SCAPER: variants seen among roughly 807,000 people sequenced by gnomAD.
The protein encoded by SCAPER is S phase cyclin A-associated protein in the endoplasmic reticulum.
Under a neutral mutation model 182.2 loss-of-function variants are expected in SCAPER, and 98 were observed. That is an observed-to-expected ratio of 0.54 (90% confidence interval 0.46 to 0.64). SCAPER has a LOEUF of 0.64. Among genes scored for constraint, SCAPER ranks in the 30% least tolerant of loss-of-function variants. SCAPER has a pLI of 0.00. For synonymous variants in SCAPER, 605 were observed against 564.6 expected, an observed-to-expected ratio of 1.07 and a Z score of -1.01; for missense variants, 1,432 against 1,690.0, an observed-to-expected ratio of 0.85 and a Z score of 2.68.
At chr15:76,703,046 A>C in intron 18 of SCAPER, 44 bp from the exon 19 acceptor site, 1 of 1,511,156 alleles carries the variant, frequency 6.6e-7, no homozygotes, top group Non-Finnish European at 8.8e-7. Flanking sequence ...AATTATTCAA[A>C]TTATGGTGAG....
chr15:76,824,606 G>T (rs1284222393), intron 5 of SCAPER, among the ~76,000 whole-genome samples: 2 of 152,108 alleles, frequency 1.3e-5, no homozygotes, highest in Non-Finnish European at 2.9e-5. Flanking sequence ...CTAGTTTTTT[G>T]AATGTTACTA....
intron 22 of SCAPER, among the ~76,000 whole-genome samples, chr15:76,604,813 T>C (rs930009742): frequency 2.0e-5 from 3 of 151,546 alleles, no homozygotes; most frequent in Non-Finnish European, 4.4e-5. Context: ...TCACTCATGA[T>C]TTGGCTCTCT....
intron 21 of SCAPER, among the ~76,000 whole-genome samples, chr15:76,661,980 A>C (rs1164275683): frequency 2.6e-5 from 4 of 152,196 alleles, no homozygotes; most frequent in Non-Finnish European, 5.9e-5. Context: ...GTACATATAC[A>C]CCATGGAATA....
At chr15:76,373,079 GCT>G (rs1293424953) in intron 29 of SCAPER, among the ~76,000 whole-genome samples, 2 of 137,958 alleles carry the variant, frequency 1.4e-5, no homozygotes, top group Non-Finnish European at 3.0e-5. Context: ...ACAGAGTCTC[GCT>G]CTGTCTCCCA....
chr15:76,813,227 T>TAA (rs746891532), intron 5 of SCAPER, among the ~76,000 whole-genome samples: 18 of 17,266 alleles, frequency 1.0e-3, no homozygotes, highest in African/African-American at 3.8e-3. Context: ...ATCCTTTCAC[T>TAA]AAAAAAAAAA....
chr15:76,632,173 A>G (rs145505006), intron 21 of SCAPER, among the ~76,000 whole-genome samples: 2 of 152,118 alleles, frequency 1.3e-5, no homozygotes, highest in East Asian at 1.9e-4. Context: ...TATTCTGGGT[A>G]ACAGCTCCGG....
At chr15:76,830,236 T>C (rs1392083922) in intron 5 of SCAPER, among the ~76,000 whole-genome samples, 2 of 152,018 alleles carry the variant, frequency 1.3e-5, no homozygotes, top group African/African-American at 4.8e-5. Context: ...ACAAAAGTGG[T>C]GTGAAATGAA....
At chr15:76,591,580 GC>G (rs2145676938) in intron 22 of SCAPER, among the ~76,000 whole-genome samples, 1 of 152,298 alleles carries the variant, frequency 6.6e-6, no homozygotes, top group Admixed American at 6.5e-5. Flanking sequence ...TCCCACCTCA[GC>G]TTTCTGAGTA....
intron 23 of SCAPER, among the ~76,000 whole-genome samples, chr15:76,514,288 C>G (rs2042258696): frequency 6.6e-6 from 1 of 152,176 alleles, no homozygotes; most frequent in African/African-American, 2.4e-5. Flanking sequence ...CTTAAAAGCT[C>G]TGCCTTCCCC....
intron 24 of SCAPER, among the ~76,000 whole-genome samples, chr15:76,480,143 G>A (rs574956250): frequency 1.8e-4 from 28 of 152,274 alleles, no homozygotes; most frequent in African/African-American, 6.7e-4. Context: ...ACCCAGACCT[G>A]GAGTTTTCCA....
intron 5 of SCAPER, among the ~76,000 whole-genome samples, chr15:76,836,164 C>A (rs562395552): frequency 3.3e-5 from 5 of 152,204 alleles, no homozygotes; most frequent in African/African-American, 1.2e-4. Context: ...AAACTACCAA[C>A]TACCAATGCC....
At chr15:76,745,663 T>C (rs921512626) in intron 15 of SCAPER, among the ~76,000 whole-genome samples, 4 of 152,244 alleles carry the variant, frequency 2.6e-5, no homozygotes, top group African/African-American at 7.2e-5. Flanking sequence ...TCCATCTCTA[T>C]GGAAATTATT....
intron 21 of SCAPER, among the ~76,000 whole-genome samples, chr15:76,659,551 C>T (rs76693594): frequency 0.05 from 7,551 of 152,212 alleles, 227 homozygotes; most frequent in South Asian, 0.12. Flanking sequence ...ATTGTAGGCG[C>T]GAGCCACCAC....
At chr15:76,793,532 T>C (rs1169887478) in intron 8 of SCAPER, 8 of 380,930 alleles carry the variant, frequency 2.1e-5, no homozygotes, top group Non-Finnish European at 3.7e-5. Context: ...ATGAAGTTTC[T>C]ATAAAAACCT....
intron 25 of SCAPER, among the ~76,000 whole-genome samples, chr15:76,444,096 C>T (rs974481294): frequency 6.6e-6 from 1 of 152,170 alleles, no homozygotes; most frequent in Non-Finnish European, 1.5e-5. Context: ...CCAGAGGGTC[C>T]TTTTCCACCA....
chr15:76,713,009 C>T (rs1032226947), intron 17 of SCAPER, among the ~76,000 whole-genome samples: 5 of 152,244 alleles, frequency 3.3e-5, no homozygotes, highest in Admixed American at 3.3e-4. Context: ...GCATCCCTGT[C>T]TTGTGCCAGT....
At chr15:76,465,556 CG>C (rs1462940453) in intron 25 of SCAPER, among the ~76,000 whole-genome samples, 1 of 152,028 alleles carries the variant, frequency 6.6e-6, no homozygotes, top group African/African-American at 2.4e-5. Flanking sequence ...GACTCTGATG[CG>C]GAAGCTTTTT....
chr15:76,763,416 CTG>C (rs1455174558), intron 14 of SCAPER, among the ~76,000 whole-genome samples: 1 of 152,126 alleles, frequency 6.6e-6, no homozygotes, highest in East Asian at 1.9e-4. Flanking sequence ...TTTCAAAATT[CTG>C]TCTCTTGAGT....
chr15:76,405,950 A>G (rs1007644566), intron 26 of SCAPER, among the ~76,000 whole-genome samples: 3 of 152,196 alleles, frequency 2.0e-5, no homozygotes, highest in African/African-American at 7.2e-5. Flanking sequence ...AAGGTACAAA[A>G]TAGTGCCTCC....
Sources: allele counts gnomAD v4.1 joint callset (sites outside exome capture counted in the v4.1 genomes callset), GRCh38; gene constraint gnomAD v4.1.1; transcripts MANE v1.5; gene names NCBI Gene and HGNC (gene_info 2026-07-23, HGNC 2026-07-21).